MARCHF6: variants seen among roughly 807,000 people sequenced by gnomAD.
MARCHF6 encodes the protein membrane associated ring-CH-type finger 6, also known as E3 ubiquitin-protein ligase MARCHF6.
A neutral mutation model predicts 133.7 loss-of-function variants in MARCHF6; 31 were observed. The observed-to-expected ratio is 0.23, with a 90% CI of 0.17 to 0.31. MARCHF6 has a LOEUF of 0.31. Ranked by LOEUF, MARCHF6 falls within the 10% of genes least tolerant of loss-of-function variation. The pLI is 1.00. For missense variants in MARCHF6, 723 were observed against 1,121.6 expected (o/e 0.64, Z 5.08); for synonymous variants, 395 against 402.5 (o/e 0.98, Z 0.22).
At chr5:10,420,961 A>T (rs1463466773) in intron 22 of MARCHF6, among the ~76,000 whole-genome samples, 2 of 152,184 alleles carry the variant, frequency 1.3e-5, no homozygotes, top group Non-Finnish European at 2.9e-5. Flanking sequence ...CATAAGCTGA[A>T]ATCCTGTAAT....
chr5:10,388,591 A>T (rs185510313), intron 5 of MARCHF6, among the ~76,000 whole-genome samples: 1 of 152,204 alleles, frequency 6.6e-6, no homozygotes, highest in Non-Finnish European at 1.5e-5. Flanking sequence ...GGGCTTGCCT[A>T]GGTCACTCAG....
chr5:10,391,697 G>C lies in MARCHF6; in HGVS notation c.732G>C (p.Val244=). ...EDNEEEDDAG[V]EDAADANNGA... ...ATGAGGAGGAAGATGACGCTGGTGTGGAGGATGCGGCAGATGCTAATAACG... is the reference window on the plus strand; with the variant it reads ...ATGAGGAGGAAGATGACGCTGGTGTCGAGGATGCGGCAGATGCTAATAACG... Residue 244 remains valine, a synonymous_variant, in exon 7 of 26, where the codon GTG becomes GTC. Transcript: ENST00000274140. The C allele has an allele frequency of 6.3e-7, 1 of 1,594,720 alleles. No individual in the cohort carries two copies. The highest frequency in any genetic ancestry group is 1.4e-5 in the African/African-American group (1 of 73,986).
intron 4 of MARCHF6, among the ~76,000 whole-genome samples, chr5:10,385,039 A>G (rs1359407952): frequency 6.6e-6 from 1 of 152,262 alleles, no homozygotes; most frequent in East Asian, 1.9e-4. Context: ...CTATTGTGAC[A>G]TGGAATAACA....
intron 4 of MARCHF6, among the ~76,000 whole-genome samples, chr5:10,383,682 G>GA (rs773478742): frequency 6.6e-6 from 1 of 151,858 alleles, no homozygotes; most frequent in African/African-American, 2.4e-5. Flanking sequence ...AAACCTTTTT[G>GA]AAAAAACAGG....
At chr5:10,356,609 T>A (rs1467028327) in intron 1 of MARCHF6, among the ~76,000 whole-genome samples, 1 of 152,030 alleles carries the variant, frequency 6.6e-6, no homozygotes, top group East Asian at 1.9e-4. Flanking sequence ...TTGGCCAGAC[T>A]GGTCTCAAAC....
intron 4 of MARCHF6, 74 bp from the exon 5 acceptor site, chr5:10,386,920 T>C (rs1737513426): frequency 1.8e-6 from 2 of 1,098,642 alleles, no homozygotes; most frequent in Non-Finnish European, 2.8e-6. Flanking sequence ...CCACTTTACC[T>C]CTGCTTTCTT....
chr5:10,403,195 C>A (rs1738651123), intron 14 of MARCHF6, among the ~76,000 whole-genome samples: 1 of 152,036 alleles, frequency 6.6e-6, no homozygotes, highest in African/African-American at 2.4e-5. Flanking sequence ...ATTAATAAAG[C>A]TTTTACTAAT....
intron 3 of MARCHF6, among the ~76,000 whole-genome samples, chr5:10,379,771 A>T (rs1014111906): frequency 2.6e-5 from 4 of 151,968 alleles, no homozygotes; most frequent in East Asian, 1.9e-4. Context: ...AGCTTTTTTT[A>T]AAAAAATAAT....
intron 1 of MARCHF6, among the ~76,000 whole-genome samples, chr5:10,356,422 G>A (rs1009685029): frequency 2.5e-5 from 3 of 118,120 alleles, no homozygotes; most frequent in Non-Finnish European, 5.6e-5. Context: ...CCGAGATGGA[G>A]TCTTGCCCTG....
At chr5:10,354,529 C>G (rs149681041) in intron 1 of MARCHF6, 2 of 152,176 alleles carry the variant, frequency 1.3e-5, no homozygotes, top group Non-Finnish European at 2.9e-5. Flanking sequence ...CACCTATAAG[C>G]AGGGTTCTGT....
Position 10,437,669 on chromosome 5 carries a change from C to G in MARCHF6, c.*3985C>G, listed in dbSNP as rs1398527614. ...TGACTAATCTAAGGTCTAGGAATAA[C>G]TATTGTAGAAGCTAAGTAGAACACT... On this transcript the variant is annotated 3_prime_UTR_variant, in exon 26 of 26. Coordinates refer to ENST00000274140, the MANE Select transcript of MARCHF6 (RefSeq NM_005885.4). The G allele has an allele frequency of 1.3e-5, 2 of 152,154 alleles. No individual in the cohort carries two copies. Among genetic ancestry groups the G allele is most frequent in the African/African-American group, 4.8e-5 (2 of 41,428 alleles). The allele number at this position is 152,154 out of a possible 1,614,324, so 9.4% of individuals were successfully genotyped here.
At position 10,420,072 on chromosome 5, in the gene MARCHF6, C is replaced by A. The variant is rs557356176; in HGVS notation, c.2283+2668C>A. ...ATGCTTGTTGTTGGTTGCTACCCAT[C>A]TGGGGCTGTTGACTGGAGCTCCTAT... On this transcript the variant is annotated intron_variant, in intron 22 of 25. Coordinates refer to ENST00000274140, the MANE Select transcript of MARCHF6 (RefSeq NM_005885.4). 2.1e-4 allele frequency among the ~76,000 whole-genome samples: 32 copies of A among 151,844 alleles called. 1 individual carries two copies. The highest frequency in any genetic ancestry group is 7.2e-4 in the African/African-American group (30 of 41,448).
At chr5:10,418,575 C>G (rs1739657874) in intron 22 of MARCHF6, among the ~76,000 whole-genome samples, 1 of 152,148 alleles carries the variant, frequency 6.6e-6, no homozygotes, top group Non-Finnish European at 1.5e-5. Context: ...TTCAGTCATT[C>G]AAAGGCTTTT....
At chr5:10,389,886 A>G (rs1022059743) in intron 5 of MARCHF6, among the ~76,000 whole-genome samples, 2 of 152,188 alleles carry the variant, frequency 1.3e-5, no homozygotes, top group African/African-American at 4.8e-5. Context: ...AAGTTTTTAA[A>G]CATGTGTAAA....
chr5:10,408,961 T>C (rs1044644797), intron 17 of MARCHF6, among the ~76,000 whole-genome samples: 6 of 152,296 alleles, frequency 3.9e-5, no homozygotes, highest in African/African-American at 1.4e-4. Context: ...TTTAGGTCTT[T>C]TTCTCTCTGT....
chr5:10,415,465 T>C, intron 20 of MARCHF6, 23 bp from the exon 21 acceptor site: 2 of 1,601,092 alleles, frequency 1.2e-6, no homozygotes, highest in Non-Finnish European at 1.7e-6. Context: ...ACATGTCTCA[T>C]TTATCAGCTT....
intron 17 of MARCHF6, among the ~76,000 whole-genome samples, chr5:10,408,587 G>T (rs1224016756): frequency 6.6e-6 from 1 of 152,188 alleles, no homozygotes; most frequent in Non-Finnish European, 1.5e-5. Flanking sequence ...CACCCAGGCT[G>T]TAGTGCAGTG....
intron 18 of MARCHF6, among the ~76,000 whole-genome samples, 193 bp from the exon 19 acceptor site, chr5:10,411,140 T>C (rs1326024838): frequency 6.6e-6 from 1 of 152,214 alleles, no homozygotes; most frequent in Non-Finnish European, 1.5e-5. Context: ...ATCCTACAAG[T>C]TCATTAACAT....
chr5:10,386,242 T>C (rs1168878460), intron 4 of MARCHF6, among the ~76,000 whole-genome samples: 1 of 152,228 alleles, frequency 6.6e-6, no homozygotes, highest in African/African-American at 2.4e-5. Context: ...TTGAAGTCAC[T>C]GAAAATCTGA....
Sources: gnomAD v4.1 joint callset for allele counts (sites outside exome capture counted in the v4.1 genomes callset) on GRCh38, gnomAD v4.1.1 for gene constraint, MANE v1.5 for transcripts, NCBI Gene and HGNC (gene_info 2026-07-23, HGNC 2026-07-21) for gene names.